Variants in SLC36A2 observed in about 807,000 individuals in gnomAD.
The protein encoded by SLC36A2 is proton-coupled amino acid transporter 2.
A neutral mutation model predicts 42.7 loss-of-function variants in SLC36A2; 39 were observed. The ratio of observed to expected loss-of-function variants is 0.91; its 90% CI spans 0.71 to 1.19. The LOEUF (loss-of-function observed/expected upper bound fraction) is 1.19, where lower values mean the gene tolerates loss of function less well. SLC36A2 is among the 50% of genes most tolerant of loss of function. The probability of loss-of-function intolerance (pLI) is 0.00; values close to 1 mark genes in which losing one functional copy is unlikely to be tolerated. For synonymous variants in SLC36A2, 237 were observed against 240.8 expected (o/e 0.98, Z 0.15); for missense variants, 590 against 613.7 (o/e 0.96, Z 0.41).
At chr5:151,318,871 T>G (rs771552009) in intron 9 of SLC36A2, among the ~76,000 whole-genome samples, 4 of 152,158 alleles carry the variant, frequency 2.6e-5, no homozygotes, top group Non-Finnish European at 5.9e-5. Flanking sequence ...CAGGACGTTT[T>G]ACAGACCTGG....
In SLC36A2 at chr5:151,335,494, C is replaced by T. The variant is rs749728391; in HGVS notation, c.579G>A (p.Val193=). 14 of 1,614,006 alleles carry T rather than the reference C, an allele frequency of 8.7e-6. No individual in the cohort carries two copies. Among genetic ancestry groups the T allele is most frequent in the Non-Finnish European group, 1.1e-5 (13 of 1,180,016 alleles). Reference sequence around the variant, plus strand: ...GCGAGTCCATGGTGGGGGTCAGAATCACCGTCTCATTGGAATAGCAGTTGT... The same window carrying T: ...GCGAGTCCATGGTGGGGGTCAGAATTACCGTCTCATTGGAATAGCAGTTGT... ...TTNNCYSNET[V]ILTPTMDSRL... Residue 193 remains valine, a synonymous_variant, in exon 6 of 10, where the codon GTG becomes GTA. Coordinates refer to ENST00000335244, the MANE Select transcript of SLC36A2 (RefSeq NM_181776.3).
At chr5:151,345,912 A>G (rs532488132) in intron 1 of SLC36A2, among the ~76,000 whole-genome samples, 1 of 152,310 alleles carries the variant, frequency 6.6e-6, no homozygotes, top group Admixed American at 6.5e-5. Context: ...CAAATCTCCC[A>G]GGAGGAGAGA....
At chr5:151,320,915 G>A (rs1401094723) in intron 9 of SLC36A2, among the ~76,000 whole-genome samples, 1 of 152,212 alleles carries the variant, frequency 6.6e-6, no homozygotes, top group Non-Finnish European at 1.5e-5. Flanking sequence ...GAAGGGCACT[G>A]GCTCTAGACT....
chr5:151,340,710 T>C (rs1312850235), intron 4 of SLC36A2, among the ~76,000 whole-genome samples: 1 of 152,154 alleles, frequency 6.6e-6, no homozygotes, highest in East Asian at 1.9e-4. Context: ...GCAAGGAAGA[T>C]ACAACAAGAA....
At chr5:151,343,979 G>A (rs546507733) in intron 2 of SLC36A2, among the ~76,000 whole-genome samples, 198 bp downstream of exon 2, 1 of 152,208 alleles carries the variant, frequency 6.6e-6, no homozygotes, top group South Asian at 2.1e-4. Flanking sequence ...CATAGAGCAG[G>A]CAAATGACTT....
In SLC36A2 at chr5:151,326,546, T is replaced by C. The variant is rs1188247852; in HGVS notation, c.844-1094A>G. 2.0e-5 allele frequency among the ~76,000 whole-genome samples: 3 copies of C among 152,326 alleles called. No homozygotes were observed. The East Asian group carries it at 5.8e-4, about 29-fold the overall frequency. On this transcript the variant is annotated intron_variant, in intron 7 of 9. Coordinates refer to ENST00000335244, the MANE Select transcript of SLC36A2 (RefSeq NM_181776.3). ...CTCACTCTTCTGTTCTCAGAATCCT[T>C]CTTCCCCTAAATGCATACCTGGTTC...
Position 151,316,506 on chromosome 5 carries a change from C to G in SLC36A2, c.*311G>C. The G allele has an allele frequency of 3.2e-6, 1 of 316,522 alleles. No individual in the cohort carries two copies. The allele number at this position is 316,522 out of a possible 1,614,324, so 19.6% of individuals were successfully genotyped here. ...CTGTGATCCCAGCATTTTGGGAGGC[C>G]GGGGTGGGTGGATCACCTGAGGTCG... On this transcript the variant is annotated 3_prime_UTR_variant, in exon 10 of 10. Transcript: ENST00000335244.
chr5:151,341,876 G>A (rs1435724447), intron 4 of SLC36A2, among the ~76,000 whole-genome samples: 1 of 152,112 alleles, frequency 6.6e-6, no homozygotes, highest in Non-Finnish European at 1.5e-5. Context: ...TCATAAATCT[G>A]AGTCAATCTC....
chr5:151,322,703 A>G (rs941244345), intron 8 of SLC36A2, among the ~76,000 whole-genome samples: 3 of 152,230 alleles, frequency 2.0e-5, no homozygotes, highest in African/African-American at 7.2e-5. Flanking sequence ...AGAGAACTGC[A>G]GAATCCCAAA....
chr5:151,320,117 A>C (rs1424271985), intron 9 of SLC36A2, among the ~76,000 whole-genome samples: 1 of 125,682 alleles, frequency 8.0e-6, no homozygotes, highest in Non-Finnish European at 1.7e-5. Context: ...TTTGAAGAAG[A>C]AAGAGATTAA....
chr5:151,342,038 C>T (rs1442281388), intron 4 of SLC36A2, among the ~76,000 whole-genome samples: 1 of 152,208 alleles, frequency 6.6e-6, no homozygotes, highest in Non-Finnish European at 1.5e-5. Context: ...TCTGCTCTTG[C>T]TCCCTTACAA....
chr5:151,341,286 A>C (rs1756337506), intron 4 of SLC36A2, among the ~76,000 whole-genome samples: 1 of 152,206 alleles, frequency 6.6e-6, no homozygotes, highest in African/African-American at 2.4e-5. Context: ...CAATTGGGAA[A>C]ATTCTGGTCA....
At chr5:151,328,815 AT>A in intron 7 of SLC36A2, among the ~76,000 whole-genome samples, 1 of 152,328 alleles carries the variant, frequency 6.6e-6, no homozygotes, top group South Asian at 2.1e-4. Flanking sequence ...TAAGTGTGAG[AT>A]TCTTCTGAAG....
intron 7 of SLC36A2, among the ~76,000 whole-genome samples, chr5:151,326,309 C>T (rs1374407564): frequency 6.6e-6 from 1 of 152,170 alleles, no homozygotes; most frequent in Non-Finnish European, 1.5e-5. Flanking sequence ...ACCAGGCCCA[C>T]CTCCCCTCAC....
At chr5:151,345,615 A>G (rs1756470981) in intron 1 of SLC36A2, among the ~76,000 whole-genome samples, 1 of 152,120 alleles carries the variant, frequency 6.6e-6, no homozygotes, top group African/African-American at 2.4e-5. Flanking sequence ...TCGCTGACCG[A>G]GCACTACACC....
intron 9 of SLC36A2, among the ~76,000 whole-genome samples, chr5:151,320,033 A>T (rs385530): frequency 0.66 from 100,988 of 152,010 alleles, 34,511 homozygotes; most frequent in East Asian, 0.98. Flanking sequence ...TCCCATGCCT[A>T]TTAGCTGAAG....
At chr5:151,321,835 G>C in intron 9 of SLC36A2, 1 of 534,770 alleles carries the variant, frequency 1.9e-6, no homozygotes, top group Admixed American at 2.6e-5. Context: ...GTGCCACCAC[G>C]CCTGGTTAAT....
At chr5:151,335,704 T>C (rs1015401112) in intron 5 of SLC36A2, among the ~76,000 whole-genome samples, 157 bp from the exon 6 acceptor site, 5 of 152,132 alleles carry the variant, frequency 3.3e-5, no homozygotes, top group African/African-American at 9.7e-5. Context: ...GTAGAACTTA[T>C]TCTAAACCCT....
intron 3 of SLC36A2, 149 bp from the exon 4 acceptor site, chr5:151,343,132 G>A: frequency 2.8e-6 from 2 of 721,152 alleles, no homozygotes; most frequent in South Asian, 1.5e-5. Flanking sequence ...ACACTCAGCA[G>A]TAATTCCTCA....
Sources: allele counts gnomAD v4.1 joint callset (sites outside exome capture counted in the v4.1 genomes callset), GRCh38; gene constraint gnomAD v4.1.1; transcripts MANE v1.5; gene names NCBI Gene and HGNC (gene_info 2026-07-23, HGNC 2026-07-21).